Variants in JPH4 observed in about 807,000 individuals in gnomAD.
JPH4 encodes junctophilin 4.
JPH4 carries 18 observed loss-of-function variants against 57.6 expected under a neutral mutation model. The observed-to-expected ratio is 0.31, with a 90% CI of 0.22 to 0.46. JPH4 has a LOEUF of 0.46. JPH4 is among the 20% of genes least tolerant of loss of function. The pLI is 1.00. For synonymous variants in JPH4, 425 were observed against 406.6 expected, an observed-to-expected ratio of 1.05 and a Z score of -0.54; for missense variants, 727 against 911.1, an observed-to-expected ratio of 0.80 and a Z score of 2.60.
Position 23,577,547 on chromosome 14 carries a change from G to A in JPH4, c.-94C>T, listed in dbSNP as rs1194373594. 8.7e-7 allele frequency: 1 copy of A among 1,149,688 alleles called. No individual in the cohort carries two copies. Among genetic ancestry groups the A allele is most frequent in the African/African-American group, 1.6e-5 (1 of 61,348 alleles). 71.2% of individuals were successfully genotyped at this position (1,149,688 alleles called of 1,614,324 possible). On this transcript the variant is annotated 5_prime_UTR_variant, in exon 2 of 6. Transcript: ENST00000356300. The surrounding 1 kb of genome is among the most constrained non-coding windows in gnomAD (Gnocchi z 8.4). ...GGCCTTGGAGCCGGGCGAGGCCTCG[G>A]GGCGGGGGCAGTTAGACCGGGGCCG...
Position 23,576,228 on chromosome 14 carries a change from G to A in JPH4, c.608C>T (p.Ala203Val). 7.9e-7 allele frequency: 1 copy of A among 1,272,644 alleles called. No homozygotes were observed. Among genetic ancestry groups the A allele is most frequent in the Non-Finnish European group, 9.9e-7 (1 of 1,010,960 alleles). 78.8% of individuals were successfully genotyped at this position (1,272,644 alleles called of 1,614,324 possible). ...GGFVLAGPGD[A>V]DGASSRKRTP... ...GCGCTTTCGGGACGACGCGCCGTCG[G>A]CGTCCCCGGGCCCGGCCAGCACGAA... is the stretch of plus-strand genomic sequence containing the variant. Residue 203 changes from alanine to valine, a missense_variant, in exon 3 of 6, where the codon GCC becomes GTC. Coordinates refer to ENST00000356300, the MANE Select transcript of JPH4 (RefSeq NM_001146028.2). This position sits in a 1 kb window ranked among gnomAD's most constrained non-coding sequence, Gnocchi z 8.0.
rs1460197646 is a variant in JPH4 at position 23,571,616 on chromosome 14, T to C, written c.1271-156A>G. The stretch of plus-strand genomic sequence containing the variant: ...CCAAACCCCCCATTATCCTACTGCA[T>C]ACATTCCCAAGTCCCACTCCCCAGA... On this transcript the variant is annotated intron_variant, in intron 4 of 5. Transcript: ENST00000356300. This position sits in a 1 kb window ranked among gnomAD's most constrained non-coding sequence, Gnocchi z 4.6. Among the ~76,000 whole-genome samples, 1 of 152,066 alleles carries C rather than the reference T, an allele frequency of 6.6e-6. No individual in the cohort carries two copies. The highest frequency in any genetic ancestry group is 1.5e-5 in the Non-Finnish European group (1 of 67,976).
At chr14:23,574,795 T>G (rs1308692118) in intron 3 of JPH4, among the ~76,000 whole-genome samples, 2 of 152,220 alleles carry the variant, frequency 1.3e-5, no homozygotes, top group African/African-American at 2.4e-5. Flanking sequence ...ACCTGCTTTT[T>G]TTAATTTTCT....
At position 23,568,816 on chromosome 14, in the gene JPH4, C is replaced by G. The variant is rs553776053; in HGVS notation, c.*818G>C. ...ACCAAATAAACTATTATGGGGGAGA[C>G]AGAAGGGTGGGAGAAGTCAGTGGCA... On this transcript the variant is annotated 3_prime_UTR_variant, in exon 6 of 6. Coordinates refer to ENST00000356300, the MANE Select transcript of JPH4 (RefSeq NM_001146028.2). 6.8e-5 allele frequency: 67 copies of G among 985,864 alleles called. 1 individual carries two copies. The South Asian group carries it at 2.9e-3, about 43-fold the overall frequency. 61.1% of individuals were successfully genotyped at this position (985,864 alleles called of 1,614,324 possible).
chr14:23,577,574 G>A lies in JPH4; in HGVS notation c.-121C>T. 4 of 844,922 alleles carry A rather than the reference G, an allele frequency of 4.7e-6. No homozygotes were observed. The highest frequency in any genetic ancestry group is 6.6e-6 in the Non-Finnish European group (4 of 605,582). The allele number at this position is 844,922 out of a possible 1,614,324, so 52.3% of individuals were successfully genotyped here. A position where few individuals can be genotyped will look rare whatever the true frequency, so the allele number is the denominator to read the frequency against. ...GCGGGGGCAGTTAGACCGGGGCCGGGCGGGGGGGCCCCAGCGAGGGCAGGC... is the reference window on the plus strand; with the variant it reads ...GCGGGGGCAGTTAGACCGGGGCCGGACGGGGGGGCCCCAGCGAGGGCAGGC... On this transcript the variant is annotated 5_prime_UTR_variant, in exon 2 of 6. Coordinates refer to ENST00000356300, the MANE Select transcript of JPH4 (RefSeq NM_001146028.2). The surrounding 1 kb of genome is among the most constrained non-coding windows in gnomAD (Gnocchi z 8.4).
chr14:23,576,034 C>T lies in JPH4; in HGVS notation c.802G>A (p.Ala268Thr). The change falls in exon 3 of 6, where the codon GCA (alanine) becomes ACA (threonine). Residue 268 changes from alanine (A) to threonine (T), a missense_variant. Around this residue, in one of 7 missense-constraint regions of JPH4, gnomAD observed 112 missense variants for 199.4 expected, o/e 0.56. Transcript: ENST00000356300. The surrounding 1 kb of genome is among the most constrained non-coding windows in gnomAD (Gnocchi z 8.0). ...PGSEASGPPA[A>T]APPALIEGSA... ...CCCTCGATGAGGGCGGGCGGCGCTG[C>T]GGCCGGGGGCCCGCTGGCCTCCGAG... is the stretch of plus-strand genomic sequence containing the variant. The T allele has an allele frequency of 2.3e-6, 3 of 1,329,078 alleles. No individual in the cohort carries two copies. Among genetic ancestry groups the T allele is most frequent in the South Asian group, 2.1e-5 (1 of 48,520 alleles). 82.3% of individuals were successfully genotyped at this position (1,329,078 alleles called of 1,614,324 possible). A position where few individuals can be genotyped will look rare whatever the true frequency, so the allele number is the denominator to read the frequency against.
rs1173061430 is a variant in JPH4, at chr14:23,570,367, CTT to C, written c.1803+559_1803+560del. Among the ~76,000 whole-genome samples, 948 of 103,316 alleles carry C rather than the reference CTT, an allele frequency of 9.2e-3. 7 individuals carry two copies. The highest frequency in any genetic ancestry group is 0.04 in the African/African-American group (882 of 21,908). The allele number at this position is 103,316 out of a possible 152,430, so 67.8% of individuals were successfully genotyped here. A position where few individuals can be genotyped will look rare whatever the true frequency, so the allele number is the denominator to read the frequency against. On this transcript the variant is annotated intron_variant, in intron 5 of 5. Coordinates refer to ENST00000356300, the MANE Select transcript of JPH4 (RefSeq NM_001146028.2). The stretch of plus-strand genomic sequence containing the variant: ...TTAGTTTACAACCCTGGGCAAGTTA[CTT>C]TTTTTTTTTTTTTTTTTTTTGAGAC...
intron 5 of JPH4, among the ~76,000 whole-genome samples, chr14:23,570,124 C>T (rs988689047): frequency 3.3e-5 from 5 of 152,098 alleles, no homozygotes; most frequent in Non-Finnish European, 5.9e-5. Context: ...GGGCAAACTC[C>T]GCCTCTCCCG....
At chr14:23,573,004 G>T in intron 3 of JPH4, 1 of 700,262 alleles carries the variant, frequency 1.4e-6, no homozygotes, top group South Asian at 1.5e-5. Context: ...GTAATTCTGA[G>T]GGTGGGGCAC....
chr14:23,573,014 C>A (rs946768196), intron 3 of JPH4: 5 of 697,304 alleles, frequency 7.2e-6, no homozygotes, highest in Non-Finnish European at 1.3e-5. Flanking sequence ...GGGTGGGGCA[C>A]AAAAGAGCTG....
At chr14:23,570,797 TG>T in intron 5 of JPH4, 130 bp downstream of exon 5, 4 of 879,710 alleles carry the variant, frequency 4.5e-6, no homozygotes, top group Non-Finnish European at 4.7e-6. Flanking sequence ...AGGTGGGATG[TG>T]GTCCAAGACT....
chr14:23,570,870 A>C, intron 5 of JPH4, 58 bp downstream of exon 5: 1 of 1,434,800 alleles, frequency 7.0e-7, no homozygotes, highest in Non-Finnish European at 9.2e-7. Context: ...AGTTCTGGAA[A>C]GGGTGGGAGG....
intron 3 of JPH4, among the ~76,000 whole-genome samples, chr14:23,574,671 A>C (rs1427017306): frequency 6.6e-6 from 1 of 152,226 alleles, no homozygotes; most frequent in Non-Finnish European, 1.5e-5. Flanking sequence ...GGTTTCAAAG[A>C]CTTAGTTCAA....
Position 23,577,479 on chromosome 14 carries a change from C to A in JPH4, c.-26G>T, listed in dbSNP as rs769534245. 4.5e-5 allele frequency: 62 copies of A among 1,392,660 alleles called. No individual in the cohort carries two copies. Among genetic ancestry groups the A allele is most frequent in the Non-Finnish European group, 5.6e-5 (60 of 1,077,830 alleles). 86.3% of individuals were successfully genotyped at this position (1,392,660 alleles called of 1,614,324 possible). On this transcript the variant is annotated 5_prime_UTR_variant, in exon 2 of 6. Coordinates refer to ENST00000356300, the MANE Select transcript of JPH4 (RefSeq NM_001146028.2). This position sits in a 1 kb window ranked among gnomAD's most constrained non-coding sequence, Gnocchi z 8.4. ...GCATGTAGTTGGCGCGGCCTCAGCC[C>A]CCCGGCGGCTCAGCGCATCCTGGGA...
Position 23,575,584 on chromosome 14 carries a change from A to G in JPH4, c.1151+101T>C. 6.8e-7 allele frequency: 1 copy of G among 1,465,204 alleles called. No individual in the cohort carries two copies. Among genetic ancestry groups the G allele is most frequent in the Non-Finnish European group, 9.2e-7 (1 of 1,083,504 alleles). 90.8% of individuals were successfully genotyped at this position (1,465,204 alleles called of 1,614,324 possible). A position where few individuals can be genotyped will look rare whatever the true frequency, so the allele number is the denominator to read the frequency against. On this transcript the variant is annotated intron_variant, in intron 3 of 5. Transcript: ENST00000356300. The surrounding 1 kb of genome is among the most constrained non-coding windows in gnomAD (Gnocchi z 6.9). Reference sequence around the variant, plus strand: ...CCTTAGGCTTGCAATAGCAGGCCCTAGGCCTTGGGCCTTGGGCCTCCCTTA... The same window carrying G: ...CCTTAGGCTTGCAATAGCAGGCCCTGGGCCTTGGGCCTTGGGCCTCCCTTA...
intron 3 of JPH4, among the ~76,000 whole-genome samples, chr14:23,574,518 T>C (rs1889228270): frequency 6.6e-6 from 1 of 152,178 alleles, no homozygotes; most frequent in Non-Finnish European, 1.5e-5. Flanking sequence ...AAACCATATG[T>C]GGCTATTAAG....
chr14:23,571,068 G>C lies in JPH4; in HGVS notation c.1663C>G (p.Pro555Ala), dbSNP rs760180635. Residue 555 changes from proline (P) to alanine (A), a missense_variant, in exon 5 of 6, where the codon CCG becomes GCG. Transcript: ENST00000356300. This position sits in a 1 kb window ranked among gnomAD's most constrained non-coding sequence, Gnocchi z 4.6. ...TCCGTGCCTGCTGGGGCCCTCAGCG[G>C]GGGCAGGGGCTCTTCATCCTCCCCC... ...EEGEDEEPLP[P>A]LRAPAGTEPE... The C allele has an allele frequency of 8.2e-5, 132 of 1,612,018 alleles. No individual in the cohort carries two copies. The highest frequency in any genetic ancestry group is 1.1e-4 in the Non-Finnish European group (127 of 1,178,976).
Position 23,571,885 on chromosome 14 carries a change from C to T in JPH4, c.1187G>A (p.Ser396Asn). ...ADALLKAVAA[S>N]SVAEKAVEAA... is the part of the protein sequence containing the mutation. ...CTCCACGGCCTTCTCAGCGACACTGCTGGCTGCCACTGCCTTTAGGAGGGC... is the reference window on the plus strand; with the variant it reads ...CTCCACGGCCTTCTCAGCGACACTGTTGGCTGCCACTGCCTTTAGGAGGGC... Residue 396 changes from serine (S) to asparagine (N), a missense_variant, in exon 4 of 6, where the codon AGC becomes AAC. This residue lies in a region of JPH4 where 293 missense variants were observed against 279.8 expected (regional missense o/e 1.05). Transcript: ENST00000356300. This position sits in a 1 kb window ranked among gnomAD's most constrained non-coding sequence, Gnocchi z 4.6. The T allele has an allele frequency of 1.2e-6, 2 of 1,612,834 alleles. No homozygotes were observed. The highest frequency in any genetic ancestry group is 2.2e-5 in the South Asian group (2 of 91,090).
chr14:23,571,602 A>G lies in JPH4; in HGVS notation c.1271-142T>C. 8.8e-7 allele frequency: 1 copy of G among 1,131,536 alleles called. No individual in the cohort carries two copies. Among genetic ancestry groups the G allele is most frequent in the Non-Finnish European group, 1.3e-6 (1 of 791,170 alleles). 70.1% of individuals were successfully genotyped at this position (1,131,536 alleles called of 1,614,324 possible). ...CTCACCGCCAGACCCCAAACCCCCC[A>G]TTATCCTACTGCATACATTCCCAAG... On this transcript the variant is annotated intron_variant, in intron 4 of 5. Coordinates refer to ENST00000356300, the MANE Select transcript of JPH4 (RefSeq NM_001146028.2). This position sits in a 1 kb window ranked among gnomAD's most constrained non-coding sequence, Gnocchi z 4.6.
Sources: allele counts gnomAD v4.1 joint callset (sites outside exome capture counted in the v4.1 genomes callset), GRCh38; gene constraint gnomAD v4.1.1; regional missense constraint gnomAD v4.1.1; non-coding constraint Gnocchi (gnomAD v3.1); transcripts MANE v1.5; gene names NCBI Gene and HGNC (gene_info 2026-07-23, HGNC 2026-07-21).